Variants in PBX3 observed in about 807,000 individuals in gnomAD.
PBX3 encodes pre-B-cell leukemia transcription factor 3.
A neutral mutation model predicts 48.5 loss-of-function variants in PBX3; 14 were observed. The observed-to-expected ratio is 0.29, with a 90% CI of 0.19 to 0.45. The LOEUF is 0.45. Ranked by LOEUF, PBX3 falls within the 20% of genes least tolerant of loss-of-function variation. The probability of loss-of-function intolerance (pLI) is 1.00; values close to 1 mark genes in which losing one functional copy is unlikely to be tolerated. For missense variants in PBX3, 386 were observed against 546.7 expected (o/e 0.71, Z 2.93); for synonymous variants, 210 against 200.3 (o/e 1.05, Z -0.41).
intron 2 of PBX3, among the ~76,000 whole-genome samples, chr9:125,884,232 A>C (rs1251818606): frequency 6.6e-6 from 1 of 152,202 alleles, no homozygotes; most frequent in Non-Finnish European, 1.5e-5. Context: ...GTAGGACAAG[A>C]GTGCTCTGCA....
At chr9:125,893,967 A>T (rs546126086) in intron 2 of PBX3, among the ~76,000 whole-genome samples, 32 of 146,454 alleles carry the variant, frequency 2.2e-4, no homozygotes, top group African/African-American at 6.0e-4. Context: ...TCCTCAGATT[A>T]AAAAAAAAAA....
chr9:125,956,019 A>G (rs1842300609), intron 5 of PBX3, among the ~76,000 whole-genome samples: 2 of 152,200 alleles, frequency 1.3e-5, no homozygotes, highest in African/African-American at 4.8e-5. Flanking sequence ...CCCACTTTGC[A>G]TCCCACTTTG....
At chr9:125,858,838 C>T (rs1483308329) in intron 2 of PBX3, among the ~76,000 whole-genome samples, 2 of 152,094 alleles carry the variant, frequency 1.3e-5, no homozygotes, top group African/African-American at 4.8e-5. Context: ...GTTAGCCAGG[C>T]TGGTCTTGAA....
intron 5 of PBX3, among the ~76,000 whole-genome samples, chr9:125,943,405 G>GAAAAAAAAAAA (rs1842004306): frequency 7.6e-6 from 1 of 131,138 alleles, no homozygotes; most frequent in African/African-American, 2.8e-5. Context: ...AAAAAGAAAG[G>GAAAAAAAAAAA]AGAGAGAATT....
chr9:125,764,081 T>C (rs551286973), intron 2 of PBX3, among the ~76,000 whole-genome samples: 1 of 152,338 alleles, frequency 6.6e-6, no homozygotes, highest in East Asian at 1.9e-4. Flanking sequence ...CTTACTATTT[T>C]ACAACTGGAA....
intron 2 of PBX3, among the ~76,000 whole-genome samples, chr9:125,893,451 A>G (rs1042678265): frequency 6.6e-6 from 1 of 152,236 alleles, no homozygotes; most frequent in Non-Finnish European, 1.5e-5. Flanking sequence ...TGGGCTGTGC[A>G]TATCTTCAGA....
At chr9:125,765,775 G>T (rs1588126313) in intron 2 of PBX3, among the ~76,000 whole-genome samples, 1 of 152,010 alleles carries the variant, frequency 6.6e-6, no homozygotes, top group South Asian at 2.1e-4. Flanking sequence ...ACTCATGCGG[G>T]GTGTGCAGTC....
chr9:125,768,912 T>G lies in PBX3; in HGVS notation c.274+20289T>G, dbSNP rs184531904. 3.3e-4 allele frequency among the ~76,000 whole-genome samples: 50 copies of G among 152,362 alleles called. 1 individual carries two copies. Among genetic ancestry groups the G allele is most frequent in the Admixed American group, 1.0e-3 (16 of 15,300 alleles). ...TGTTTTACTTGAAGTATAGGTTTAC[T>G]TGGTTTCTTTTTGAAAAAAGGTCTG... On this transcript the variant is annotated intron_variant, in intron 2 of 8. Transcript: ENST00000373489.
intron 8 of PBX3, 32 bp from the exon 9 acceptor site, chr9:125,965,799 G>C (rs1416347221): frequency 1.3e-6 from 2 of 1,514,384 alleles, no homozygotes; most frequent in Admixed American, 3.3e-5. Flanking sequence ...ATATGTAGAC[G>C]TGCACCCGTT....
chr9:125,879,908 C>G (rs1359501536), intron 2 of PBX3, among the ~76,000 whole-genome samples: 7 of 152,062 alleles, frequency 4.6e-5, no homozygotes, highest in Non-Finnish European at 1.0e-4. Flanking sequence ...CTGGGAAAGT[C>G]CTTAGATGTT....
intron 2 of PBX3, among the ~76,000 whole-genome samples, chr9:125,910,380 C>T (rs1478692987): frequency 1.3e-5 from 2 of 152,078 alleles, no homozygotes; most frequent in African/African-American, 4.8e-5. Flanking sequence ...ACAGGAACTT[C>T]ACTGTAATAT....
chr9:125,795,708 A>T (rs1459648180), intron 2 of PBX3, among the ~76,000 whole-genome samples: 1 of 152,206 alleles, frequency 6.6e-6, no homozygotes, highest in Non-Finnish European at 1.5e-5. Context: ...ACCATGGGCC[A>T]TTAACACCAA....
chr9:125,811,464 G>A (rs1564667940), intron 2 of PBX3, among the ~76,000 whole-genome samples: 1 of 152,124 alleles, frequency 6.6e-6, no homozygotes, highest in Non-Finnish European at 1.5e-5. Context: ...TAGTGAATGG[G>A]TTCTCATGAG....
At chr9:125,819,971 A>G (rs936326568) in intron 2 of PBX3, among the ~76,000 whole-genome samples, 1 of 152,166 alleles carries the variant, frequency 6.6e-6, no homozygotes, top group Non-Finnish European at 1.5e-5. Context: ...TGGAATTTGT[A>G]TAGATTTTGG....
intron 3 of PBX3, among the ~76,000 whole-genome samples, chr9:125,924,096 C>T (rs968214576): frequency 2.6e-5 from 4 of 152,160 alleles, no homozygotes; most frequent in African/African-American, 4.8e-5. Flanking sequence ...TCTTGAACTC[C>T]TGGGCTCAAG....
At chr9:125,792,896 C>T (rs1354247704) in intron 2 of PBX3, among the ~76,000 whole-genome samples, 1 of 151,532 alleles carries the variant, frequency 6.6e-6, no homozygotes, top group African/African-American at 2.4e-5. Context: ...GACCAGGTTT[C>T]ACCATATTGG....
chr9:125,756,044 A>AT (rs1338844211), intron 2 of PBX3, among the ~76,000 whole-genome samples: 1 of 152,094 alleles, frequency 6.6e-6, no homozygotes, highest in Non-Finnish European at 1.5e-5. Context: ...TCACAAGGAT[A>AT]TTTTCTTCAC....
intron 2 of PBX3, among the ~76,000 whole-genome samples, chr9:125,912,869 G>A (rs553558827): frequency 1.4e-4 from 21 of 152,166 alleles, no homozygotes; most frequent in Admixed American, 2.6e-4. Context: ...ATGTTTATAG[G>A]TGCCCAGAGG....
chr9:125,825,395 TAAC>T (rs1009435411), intron 2 of PBX3, among the ~76,000 whole-genome samples: 2 of 151,940 alleles, frequency 1.3e-5, no homozygotes, highest in African/African-American at 2.4e-5. Context: ...TATTTTAAAA[TAAC>T]AATAACACGT....
Sources: gnomAD v4.1 joint callset for allele counts (sites outside exome capture counted in the v4.1 genomes callset) on GRCh38, gnomAD v4.1.1 for gene constraint, MANE v1.5 for transcripts, NCBI Gene and HGNC (gene_info 2026-07-23, HGNC 2026-07-21) for gene names.